STK3: variants seen among roughly 807,000 people sequenced by gnomAD.
STK3 encodes serine/threonine kinase 3.
In STK3, 41 loss-of-function variants were observed where a neutral mutation model predicts 58.0. That is an observed-to-expected ratio of 0.71 (90% confidence interval 0.55 to 0.92). STK3 has a LOEUF of 0.92. Among genes scored for constraint, STK3 ranks in the 40% least tolerant of loss-of-function variants. The pLI is 0.00. For synonymous variants in STK3, 170 were observed against 191.0 expected (o/e 0.89, Z 0.91); for missense variants, 479 against 602.7 (o/e 0.79, Z 2.15).
At chr8:98,406,570 T>C (rs1817995253) in intron 3 of STK3, among the ~76,000 whole-genome samples, 1 of 152,170 alleles carries the variant, frequency 6.6e-6, no homozygotes, top group South Asian at 2.1e-4. Flanking sequence ...GTTTATTAAG[T>C]GTATGAAGGA....
chr8:98,608,989 G>A (rs1328507829), intron 6 of STK3, among the ~76,000 whole-genome samples: 1 of 152,210 alleles, frequency 6.6e-6, no homozygotes, highest in African/African-American at 2.4e-5. Context: ...CTATGAGACA[G>A]TTCTATATTT....
chr8:98,697,503 A>C (rs1825080900), intron 6 of STK3, among the ~76,000 whole-genome samples: 1 of 152,180 alleles, frequency 6.6e-6, no homozygotes, highest in South Asian at 2.1e-4. Flanking sequence ...TTAATGCTAT[A>C]AATTTCACTC....
At chr8:98,419,123 G>A (rs1055184293) in intron 3 of STK3, among the ~76,000 whole-genome samples, 1 of 152,184 alleles carries the variant, frequency 6.6e-6, no homozygotes, top group African/African-American at 2.4e-5. Context: ...CACTTTGGGG[G>A]GCCGAAGCAG....
At chr8:98,606,466 T>A (rs1023200658) in intron 6 of STK3, 2 of 152,196 alleles carry the variant, frequency 1.3e-5, no homozygotes, top group African/African-American at 4.8e-5. Flanking sequence ...GTCTTTGTTA[T>A]GCTAAGGAGT....
intron 3 of STK3, chr8:98,434,086 T>G (rs1435251984): frequency 6.6e-6 from 1 of 152,056 alleles, no homozygotes; most frequent in Non-Finnish European, 1.5e-5. Context: ...GGCCCTGAGG[T>G]GTATGGAGCA....
At chr8:98,804,354 C>T (rs751191025) in intron 1 of STK3, among the ~76,000 whole-genome samples, 1 of 152,150 alleles carries the variant, frequency 6.6e-6, no homozygotes, top group Non-Finnish European at 1.5e-5. Flanking sequence ...GTAGTTACTA[C>T]GATATTCTCA....
intron 10 of STK3, among the ~76,000 whole-genome samples, chr8:98,488,806 A>G (rs932887986): frequency 6.6e-6 from 1 of 152,216 alleles, no homozygotes. Flanking sequence ...CCTTTCTTCC[A>G]TAGAAATATC....
At chr8:98,417,177 G>C (rs180677994) in intron 3 of STK3, among the ~76,000 whole-genome samples, 1 of 152,166 alleles carries the variant, frequency 6.6e-6, no homozygotes, top group Non-Finnish European at 1.5e-5. Flanking sequence ...TCCCAGGGGT[G>C]GGGGAGTGGA....
chr8:98,889,702 G>A (rs75115613), intron 1 of STK3: 6 of 152,174 alleles, frequency 3.9e-5, no homozygotes, highest in South Asian at 2.1e-4. Flanking sequence ...TTAGATCAGC[G>A]GTCTCAAATA....
rs1818285691 is a variant in STK3 at position 98,428,830 on chromosome 8, C to T, written n.483+5297G>A. 6.2e-7 allele frequency: 1 copy of T among 1,614,196 alleles called. No homozygotes were observed. Among genetic ancestry groups the T allele is most frequent in the Non-Finnish European group, 8.5e-7 (1 of 1,180,036 alleles). ...GTGGTGAACCTGGTGGTGGAGAGCA[C>T]ACCTACTTTAGCCAACTTGGGCAGG... On this transcript the variant is annotated intron_variant and non_coding_transcript_variant, in intron 3 of 3. Transcript: ENST00000517832. The surrounding 1 kb of genome is among the most constrained non-coding windows in gnomAD (Gnocchi z 6.7).
At chr8:98,636,392 C>T (rs1819621289) in intron 6 of STK3, among the ~76,000 whole-genome samples, 1 of 152,088 alleles carries the variant, frequency 6.6e-6, no homozygotes, top group African/African-American at 2.4e-5. Context: ...CATTTTTACA[C>T]TTATTTAACT....
chr8:98,543,266 T>C (rs1360970877), intron 9 of STK3, among the ~76,000 whole-genome samples: 1 of 152,098 alleles, frequency 6.6e-6, no homozygotes, highest in African/African-American at 2.4e-5. Flanking sequence ...GAAAGGTAAG[T>C]AGGAACCAGA....
chr8:98,669,303 T>C (rs1031772134), intron 6 of STK3, among the ~76,000 whole-genome samples: 5 of 152,270 alleles, frequency 3.3e-5, no homozygotes, highest in African/African-American at 1.2e-4. Context: ...CCCATTAATC[T>C]TATCTTTTAA....
At chr8:98,512,396 G>A (rs1470789514) in intron 10 of STK3, among the ~76,000 whole-genome samples, 1 of 152,090 alleles carries the variant, frequency 6.6e-6, no homozygotes, top group African/African-American at 2.4e-5. Context: ...AAGGCAAATA[G>A]ACAAAGTATA....
chr8:98,653,302 A>C (rs1229365868), intron 6 of STK3, among the ~76,000 whole-genome samples: 1 of 152,212 alleles, frequency 6.6e-6, no homozygotes, highest in Non-Finnish European at 1.5e-5. Flanking sequence ...AAGACACAAC[A>C]TACCAGATTC....
chr8:98,654,284 T>C (rs951562181), intron 6 of STK3, among the ~76,000 whole-genome samples: 4 of 151,900 alleles, frequency 2.6e-5, no homozygotes, highest in Non-Finnish European at 4.4e-5. Flanking sequence ...AATTCAACAA[T>C]CCTTCATGCT....
At chr8:98,910,720 T>C (rs1271668323) in intron 1 of STK3, among the ~76,000 whole-genome samples, 1 of 152,220 alleles carries the variant, frequency 6.6e-6, no homozygotes, top group African/African-American at 2.4e-5. Flanking sequence ...CAGTGTTAAA[T>C]GACATCACAC....
At chr8:98,596,951 G>A (rs1815877811) in intron 6 of STK3, among the ~76,000 whole-genome samples, 1 of 152,056 alleles carries the variant, frequency 6.6e-6, no homozygotes, top group African/African-American at 2.4e-5. Flanking sequence ...GGGGGTTAAT[G>A]TAGATGTCCC....
At chr8:98,879,148 T>C (rs926089362), downstream of STK3, 15 of 152,350 alleles carry the variant, frequency 9.8e-5, no homozygotes, top group Admixed American at 9.2e-4. Flanking sequence ...CATAGTATTT[T>C]CATATAACCC....
Sources: allele counts gnomAD v4.1 joint callset (sites outside exome capture counted in the v4.1 genomes callset), GRCh38; gene constraint gnomAD v4.1.1; non-coding constraint Gnocchi (gnomAD v3.1); transcripts MANE v1.5; gene names NCBI Gene and HGNC (gene_info 2026-07-23, HGNC 2026-07-21).